Variants in CSTPP1 observed in about 807,000 individuals in gnomAD.
The protein encoded by CSTPP1 is centriolar satellite-associated tubulin polyglutamylase complex regulator 1.
the CSTPP1 span, among the ~76,000 whole-genome samples, chr11:47,145,407 T>C: frequency 1.1e-4 from 16 of 151,774 alleles, no homozygotes; most frequent in African/African-American, 3.6e-4. Context: ...CTGGCCAACA[T>C]GGTGAAACCC....
chr11:46,995,001 T>C, the CSTPP1 span, among the ~76,000 whole-genome samples: 1 of 152,358 alleles, frequency 6.6e-6, no homozygotes, highest in South Asian at 2.1e-4. Flanking sequence ...TGGTTTAGTC[T>C]TGGGAGAGTG....
the CSTPP1 span, among the ~76,000 whole-genome samples, chr11:47,073,314 C>T: frequency 5.3e-5 from 8 of 152,102 alleles, no homozygotes; most frequent in South Asian, 1.5e-3. Flanking sequence ...GAATGTAATC[C>T]GGTGTCGGGA....
the CSTPP1 span, among the ~76,000 whole-genome samples, chr11:46,944,224 A>T: frequency 6.9e-6 from 1 of 144,802 alleles, no homozygotes; most frequent in Admixed American, 7.0e-5. Context: ...AGGTTGAGAC[A>T]CGAGAATTGC....
chr11:47,105,685 A>G, the CSTPP1 span, among the ~76,000 whole-genome samples: 2 of 152,188 alleles, frequency 1.3e-5, no homozygotes, highest in Non-Finnish European at 2.9e-5. Context: ...TCATGGGTCT[A>G]AGATCACACA....
At chr11:47,033,812 T>C in the CSTPP1 span, among the ~76,000 whole-genome samples, 1 of 152,206 alleles carries the variant, frequency 6.6e-6, no homozygotes, top group Non-Finnish European at 1.5e-5. Context: ...CTATGTGTAA[T>C]GGGCCTTAAA....
chr11:47,097,162 C>T, the CSTPP1 span, among the ~76,000 whole-genome samples: 174 of 132,402 alleles, frequency 1.3e-3, no homozygotes, highest in African/African-American at 4.3e-3. Flanking sequence ...GGTGTCAGCC[C>T]TCCGCCCGGC....
chr11:47,078,196 CAG>C, the CSTPP1 span, among the ~76,000 whole-genome samples: 5 of 152,080 alleles, frequency 3.3e-5, no homozygotes, highest in African/African-American at 1.2e-4. Flanking sequence ...AAGCAAAAAA[CAG>C]AGGACTCAGT....
the CSTPP1 span, among the ~76,000 whole-genome samples, chr11:46,938,790 T>C: frequency 6.7e-6 from 1 of 149,450 alleles, no homozygotes; most frequent in Admixed American, 6.7e-5. Flanking sequence ...CTTTTTTTTT[T>C]TTTTTGAGAC....
the CSTPP1 span, among the ~76,000 whole-genome samples, chr11:47,039,375 C>T: frequency 6.3e-5 from 8 of 127,592 alleles, 1 homozygote; most frequent in African/African-American, 1.5e-4. Flanking sequence ...TGGCGGCGCG[C>T]GCCCAGGCAG....
the CSTPP1 span, among the ~76,000 whole-genome samples, chr11:47,036,355 A>T: frequency 2.0e-5 from 2 of 100,876 alleles, no homozygotes; most frequent in African/African-American, 5.8e-5. Flanking sequence ...TGTATTTCAA[A>T]TGAATAATAT....
the CSTPP1 span, among the ~76,000 whole-genome samples, chr11:47,073,603 T>G: frequency 6.6e-6 from 1 of 151,784 alleles, no homozygotes; most frequent in Admixed American, 6.6e-5. Context: ...GGACAAAAAT[T>G]GAATAGGAGG....
chr11:46,955,910 A>C, the CSTPP1 span, among the ~76,000 whole-genome samples: 1 of 151,454 alleles, frequency 6.6e-6, no homozygotes, highest in East Asian at 2.0e-4. Flanking sequence ...AATCGCCCGA[A>C]CCCAAGAGGC....
the CSTPP1 span, among the ~76,000 whole-genome samples, chr11:47,018,528 C>T: frequency 0.017 from 2,623 of 151,930 alleles, 71 homozygotes; most frequent in African/African-American, 0.06. Context: ...CTCCTGACCT[C>T]GTGATCCACC....
chr11:46,936,902 G>A, the CSTPP1 span: 1 of 1,493,142 alleles, frequency 6.7e-7, no homozygotes, highest in Non-Finnish European at 9.0e-7. Flanking sequence ...GACGAATTAG[G>A]CCAGGGTCTG....
chr11:47,063,943 C>G, the CSTPP1 span, among the ~76,000 whole-genome samples: 1 of 152,180 alleles, frequency 6.6e-6, no homozygotes, highest in Admixed American at 6.5e-5. Flanking sequence ...TTCTCACCAG[C>G]AATGCATAAG....
At chr11:47,149,429 G>A in the CSTPP1 span, among the ~76,000 whole-genome samples, 5 of 152,178 alleles carry the variant, frequency 3.3e-5, no homozygotes, top group East Asian at 3.9e-4. Flanking sequence ...GGATGACCTC[G>A]TCTCCAAGAA....
At chr11:46,948,400 T>C in the CSTPP1 span, among the ~76,000 whole-genome samples, 1 of 152,252 alleles carries the variant, frequency 6.6e-6, no homozygotes, top group Non-Finnish European at 1.5e-5. Context: ...GAATTGCCTT[T>C]CAGAGGAGAT....
chr11:47,146,569 TG>T, the CSTPP1 span, among the ~76,000 whole-genome samples: 2 of 152,128 alleles, frequency 1.3e-5, no homozygotes, highest in Non-Finnish European at 2.9e-5. Flanking sequence ...CCTATCAAAT[TG>T]GCAAAAATTT....
the CSTPP1 span, among the ~76,000 whole-genome samples, chr11:47,048,045 A>G: frequency 6.6e-6 from 1 of 152,222 alleles, no homozygotes; most frequent in Admixed American, 6.5e-5. Flanking sequence ...GCCCTTGTGC[A>G]TTGCTAGTGA....
Sources: allele counts gnomAD v4.1 joint callset (sites outside exome capture counted in the v4.1 genomes callset), GRCh38; gene constraint gnomAD v4.1.1; transcripts MANE v1.5; gene names NCBI Gene and HGNC (gene_info 2026-07-23, HGNC 2026-07-21).